Variants in MAP3K1 observed in about 807,000 individuals in gnomAD.
MAP3K1 encodes the protein mitogen-activated protein kinase kinase kinase 1, also known as MAP/ERK kinase kinase 1.
A neutral mutation model predicts 144.2 loss-of-function variants in MAP3K1; 36 were observed. The observed-to-expected ratio is 0.25, with a 90% CI of 0.19 to 0.33. The LOEUF (loss-of-function observed/expected upper bound fraction) is 0.33, where lower values mean the gene tolerates loss of function less well. Among genes scored for constraint, MAP3K1 ranks in the 10% least tolerant of loss-of-function variants. The probability of loss-of-function intolerance (pLI) is 1.00; values close to 1 mark genes in which losing one functional copy is unlikely to be tolerated. For synonymous variants in MAP3K1, 718 were observed against 688.7 expected (o/e 1.04, Z -0.67); for missense variants, 1,650 against 1,881.9 (o/e 0.88, Z 2.28).
chr5:56,829,135 G>A (rs185740242), intron 1 of MAP3K1, among the ~76,000 whole-genome samples: 6 of 150,898 alleles, frequency 4.0e-5, no homozygotes, highest in South Asian at 2.1e-4. Context: ...AACTTGAATC[G>A]TATTCACAGA....
At chr5:56,845,163 G>A (rs1746950794) in intron 1 of MAP3K1, among the ~76,000 whole-genome samples, 1 of 152,270 alleles carries the variant, frequency 6.6e-6, no homozygotes, top group Non-Finnish European at 1.5e-5. Context: ...AATTTTGTTA[G>A]TGGGGTAAGA....
chr5:56,892,749 G>C (rs1748584943), intron 19 of MAP3K1, among the ~76,000 whole-genome samples: 1 of 152,160 alleles, frequency 6.6e-6, no homozygotes, highest in Non-Finnish European at 1.5e-5. Flanking sequence ...AGGGAGATAT[G>C]CAAGAAAGAC....
chr5:56,818,607 G>A (rs953937096), intron 1 of MAP3K1, among the ~76,000 whole-genome samples: 13 of 152,024 alleles, frequency 8.6e-5, no homozygotes, highest in Non-Finnish European at 1.9e-4. Flanking sequence ...TGTAAGTGGC[G>A]CCCAAGGGTT....
Position 56,837,111 on chromosome 5 carries a change from C to G in MAP3K1, c.483-19489C>G, listed in dbSNP as rs572704795. On this transcript the variant is annotated intron_variant, in intron 1 of 19. Transcript: ENST00000399503. ...GATTCGGAATTCCAGCACTGCCCCCCAGACATGCCCATTCACTGACCCCCT... is the reference window on the plus strand; with the variant it reads ...GATTCGGAATTCCAGCACTGCCCCCGAGACATGCCCATTCACTGACCCCCT... Among the ~76,000 whole-genome samples, 12 of 151,822 alleles carry G rather than the reference C, an allele frequency of 7.9e-5. No individual in the cohort carries two copies. In the South Asian group the frequency reaches 1.3e-3, roughly 16 times the overall value.
In MAP3K1 at chr5:56,874,338, T is replaced by C. The variant is rs553555036; in HGVS notation, c.1687-694T>C. 5.3e-5 allele frequency among the ~76,000 whole-genome samples: 8 copies of C among 152,306 alleles called. No individual in the cohort carries two copies. The South Asian group carries it at 1.7e-3, about 32-fold the overall frequency. Reference sequence around the variant, plus strand: ...TCAAGACCATTCACCCTTTCCTCACTGTAGGGACTCTGGCTTTTGGGGCAT... The same window carrying C: ...TCAAGACCATTCACCCTTTCCTCACCGTAGGGACTCTGGCTTTTGGGGCAT... On this transcript the variant is annotated intron_variant, in intron 9 of 19. Coordinates refer to ENST00000399503, the MANE Select transcript of MAP3K1 (RefSeq NM_005921.2).
chr5:56,837,247 C>T (rs1262218341), intron 1 of MAP3K1, among the ~76,000 whole-genome samples: 1 of 152,074 alleles, frequency 6.6e-6, no homozygotes, highest in African/African-American at 2.4e-5. Context: ...GGGTTTTCTT[C>T]AAGGCATTTT....
At chr5:56,843,512 A>G (rs190880887) in intron 1 of MAP3K1, among the ~76,000 whole-genome samples, 461 of 152,288 alleles carry the variant, frequency 3.0e-3, no homozygotes, top group African/African-American at 0.01. Flanking sequence ...CTTTAGAGAA[A>G]ATAAATTACC....
At chr5:56,860,039 A>G (rs1747459311) in intron 3 of MAP3K1, 124 bp downstream of exon 3, 1 of 871,904 alleles carries the variant, frequency 1.1e-6, no homozygotes, top group Non-Finnish European at 1.9e-6. Context: ...CAGACCCCTG[A>G]GGATGGGGGG....
At chr5:56,836,150 G>T (rs375305306) in intron 1 of MAP3K1, among the ~76,000 whole-genome samples, 23 of 152,196 alleles carry the variant, frequency 1.5e-4, no homozygotes, top group African/African-American at 5.3e-4. Context: ...TGAGGTTGAT[G>T]TGAGCAGTTC....
chr5:56,843,732 G>A (rs1746887485), intron 1 of MAP3K1, among the ~76,000 whole-genome samples: 1 of 152,096 alleles, frequency 6.6e-6, no homozygotes, highest in Admixed American at 6.5e-5. Context: ...TACCCATCTC[G>A]CTGGCTGTCT....
chr5:56,856,043 T>C (rs1747335191), intron 1 of MAP3K1, among the ~76,000 whole-genome samples: 1 of 152,222 alleles, frequency 6.6e-6, no homozygotes, highest in South Asian at 2.1e-4. Flanking sequence ...TTGTACTGGA[T>C]AATTTTTATT....
In MAP3K1 at chr5:56,888,212, C is replaced by T. The variant is rs976065911; in HGVS notation, c.4258-14C>T. 3 of 1,612,312 alleles carry T rather than the reference C, an allele frequency of 1.9e-6. No homozygotes were observed. The Admixed American group carries it at 5.0e-5, about 27-fold the overall frequency. On this transcript the variant is annotated splice_polypyrimidine_tract_variant and intron_variant, in intron 18 of 19. Transcript: ENST00000399503. ...AATGAGTCCTATTTCCAAATTAACT[C>T]TGATTTATTTTAGGTACTAAGAGGT...
intron 6 of MAP3K1, among the ~76,000 whole-genome samples, chr5:56,867,967 A>G (rs1747727552): frequency 6.6e-6 from 1 of 152,216 alleles, no homozygotes; most frequent in African/African-American, 2.4e-5. Flanking sequence ...GTCGATAAGT[A>G]AAACCAAATC....
At position 56,866,073 on chromosome 5, in the gene MAP3K1, A is replaced by AT. The variant is rs2111894704; in HGVS notation, c.1301+99dup. 4 of 1,045,896 alleles carry AT rather than the reference A, an allele frequency of 3.8e-6. No homozygotes were observed. The South Asian group carries it at 5.4e-5, about 14-fold the overall frequency. The allele number at this position is 1,045,896 out of a possible 1,614,324, so 64.8% of individuals were successfully genotyped here. On this transcript the variant is annotated intron_variant, in intron 6 of 19. Coordinates refer to ENST00000399503, the MANE Select transcript of MAP3K1 (RefSeq NM_005921.2). ...CTACTTGTTAAGTTGCTCTAAAATG[A>AT]TTTAATTATTGAATCTTGGCTTTCA...
intron 1 of MAP3K1, among the ~76,000 whole-genome samples, chr5:56,821,966 C>T (rs778470492): frequency 1.3e-5 from 2 of 152,212 alleles, no homozygotes; most frequent in African/African-American, 2.4e-5. Context: ...TAGCTTAAGA[C>T]GAGTTTTGAA....
chr5:56,844,173 GTTTTTTTTGGTTTTTTTTTTTTTTTT>G (rs906996151), intron 1 of MAP3K1, among the ~76,000 whole-genome samples: 7 of 97,388 alleles, frequency 7.2e-5, no homozygotes, highest in African/African-American at 2.6e-4. Flanking sequence ...TTATAGGATT[GTTTTTTTTGGTTTTTTTTTTTTTTTT>G]TTTTTTTTGA....
Position 56,893,827 on chromosome 5 carries a change from A to G in MAP3K1, c.*147A>G, listed in dbSNP as rs538428014. ...TGGGGAACCCTTACCTAAGTATGTG[A>G]TTGACAAATCATGATCTGTACCTAA... On this transcript the variant is annotated 3_prime_UTR_variant, in exon 20 of 20. Transcript: ENST00000399503. 2 of 821,738 alleles carry G rather than the reference A, an allele frequency of 2.4e-6. No homozygotes were observed. The highest frequency in any genetic ancestry group is 5.3e-5 in the East Asian group (2 of 37,510). 50.9% of individuals were successfully genotyped at this position (821,738 alleles called of 1,614,324 possible).
At chr5:56,865,511 TC>T in intron 5 of MAP3K1, 55 bp downstream of exon 5, 3 of 1,048,804 alleles carry the variant, frequency 2.9e-6, no homozygotes, top group Non-Finnish European at 3.0e-6. Flanking sequence ...TAGGATATAT[TC>T]TTAAAATTTA....
intron 1 of MAP3K1, among the ~76,000 whole-genome samples, chr5:56,827,030 A>G (rs1746338270): frequency 6.6e-6 from 1 of 152,188 alleles, no homozygotes; most frequent in Non-Finnish European, 1.5e-5. Context: ...ATAAACGTGG[A>G]GGAATGAACC....
Sources: allele counts gnomAD v4.1 joint callset (sites outside exome capture counted in the v4.1 genomes callset), GRCh38; gene constraint gnomAD v4.1.1; transcripts MANE v1.5; gene names NCBI Gene and HGNC (gene_info 2026-07-23, HGNC 2026-07-21).